Variants in LMO3 observed in about 807,000 individuals in gnomAD.
LMO3 encodes LIM domain only protein 3.
LMO3 carries 2 observed loss-of-function variants against 15.8 expected under a neutral mutation model. That is an observed-to-expected ratio of 0.13 (90% confidence interval 0.05 to 0.40). The LOEUF is 0.40. Among genes scored for constraint, LMO3 ranks in the 10% least tolerant of loss-of-function variants. The pLI, the probability that LMO3 is intolerant of heterozygous loss-of-function variation, is 0.99. For synonymous variants in LMO3, 62 were observed against 63.8 expected (o/e 0.97, Z 0.13); for missense variants, 86 against 182.2 (o/e 0.47, Z 3.04).
At chr12:16,568,830 C>T (rs1035530425) in intron 2 of LMO3, among the ~76,000 whole-genome samples, 6 of 152,124 alleles carry the variant, frequency 3.9e-5, no homozygotes, top group African/African-American at 1.4e-4. Flanking sequence ...GGATATATGA[C>T]AGTTATAACT....
At chr12:16,595,461 T>C (rs921887757) in intron 2 of LMO3, among the ~76,000 whole-genome samples, 2 of 151,392 alleles carry the variant, frequency 1.3e-5, no homozygotes, top group African/African-American at 2.4e-5. Context: ...TGAATTCACC[T>C]ACTATTTTCC....
intron 2 of LMO3, among the ~76,000 whole-genome samples, chr12:16,594,748 C>A (rs905248701): frequency 1.3e-5 from 2 of 151,568 alleles, no homozygotes; most frequent in Non-Finnish European, 3.0e-5. Context: ...CTACATAATA[C>A]ATTTCTACAA....
intron 2 of LMO3, among the ~76,000 whole-genome samples, chr12:16,577,996 C>T (rs954165635): frequency 1.1e-4 from 17 of 152,192 alleles, no homozygotes; most frequent in African/African-American, 4.1e-4. Context: ...AACACTACAA[C>T]TAATTCCACC....
At chr12:16,563,943 A>G (rs148835695) in intron 2 of LMO3, among the ~76,000 whole-genome samples, 3 of 152,258 alleles carry the variant, frequency 2.0e-5, no homozygotes, top group Non-Finnish European at 4.4e-5. Flanking sequence ...ATTTTTCCCT[A>G]TCATTTATGT....
At chr12:16,554,740 T>C (rs1386605326) in intron 3 of LMO3, among the ~76,000 whole-genome samples, 3 of 152,216 alleles carry the variant, frequency 2.0e-5, no homozygotes, top group Non-Finnish European at 4.4e-5. Context: ...CCAGATTCGC[T>C]CCGCCTCCCG....
At chr12:16,567,227 A>G (rs1942649887) in intron 2 of LMO3, among the ~76,000 whole-genome samples, 1 of 151,892 alleles carries the variant, frequency 6.6e-6, no homozygotes, top group Admixed American at 6.6e-5. Context: ...CAAACAAACA[A>G]AAAACTACAA....
intron 2 of LMO3, among the ~76,000 whole-genome samples, chr12:16,566,869 G>T (rs372911125): frequency 1.3e-5 from 2 of 152,170 alleles, no homozygotes; most frequent in East Asian, 1.9e-4. Flanking sequence ...AAGAGAAGAA[G>T]AATTAAGTTA....
At chr12:16,578,292 C>G (rs757632414) in intron 2 of LMO3, among the ~76,000 whole-genome samples, 3 of 152,098 alleles carry the variant, frequency 2.0e-5, no homozygotes, top group Non-Finnish European at 2.9e-5. Flanking sequence ...ATAAACTACT[C>G]AAGTTTGAGA....
chr12:16,606,217 T>A (rs189767979), upstream of LMO3: 1 of 187,898 alleles, frequency 5.3e-6, no homozygotes, highest in African/African-American at 2.4e-5. Flanking sequence ...AAGTTTAAAA[T>A]AATGAGGTCC....
At chr12:16,578,283 T>C (rs1277269837) in intron 2 of LMO3, among the ~76,000 whole-genome samples, 1 of 152,200 alleles carries the variant, frequency 6.6e-6, no homozygotes, top group Non-Finnish European at 1.5e-5. Flanking sequence ...AAAGCTTGTA[T>C]AAACTACTCA....
intron 2 of LMO3, among the ~76,000 whole-genome samples, chr12:16,592,404 G>T (rs1047143674): frequency 6.6e-6 from 1 of 151,944 alleles, no homozygotes; most frequent in African/African-American, 2.4e-5. Flanking sequence ...TAATTTCTTT[G>T]TATCTCCCAA....
At position 16,582,135 on chromosome 12, in the gene LMO3, T is replaced by A. The variant is rs1159003945; in HGVS notation, c.206+18520A>T. On this transcript the variant is annotated intron_variant, in intron 2 of 3. Coordinates refer to ENST00000537304, the MANE Select transcript of LMO3 (RefSeq NM_018640.5). This position sits in a 1 kb window ranked among gnomAD's most constrained non-coding sequence, Gnocchi z 4.1. ...AATTTGCAGTTAGGTTTCAGTAAAT[T>A]TTCTTAATCATATTTAACTGGTTTC... Among the ~76,000 whole-genome samples, 1 of 151,910 alleles carries A rather than the reference T, an allele frequency of 6.6e-6. No homozygotes were observed. Among genetic ancestry groups the A allele is most frequent in the Non-Finnish European group, 1.5e-5 (1 of 68,022 alleles).
intron 2 of LMO3, among the ~76,000 whole-genome samples, chr12:16,590,131 A>AT: frequency 6.6e-6 from 1 of 152,254 alleles, no homozygotes; most frequent in Non-Finnish European, 1.5e-5. Context: ...AAACTTAAAC[A>AT]TTTTTAAAAG....
chr12:16,549,310 C>G lies in LMO3; in HGVS notation c.*1912G>C, dbSNP rs1941902689. On this transcript the variant is annotated 3_prime_UTR_variant, in exon 4 of 4. Coordinates refer to ENST00000537304, the MANE Select transcript of LMO3 (RefSeq NM_018640.5). ...GCCCCAAATAGCTACTTTTGAATTT[C>G]TTTCTTTAGTATATCTCAAATCTGG... 6.6e-6 allele frequency: 1 copy of G among 152,074 alleles called. No homozygotes were observed. The highest frequency in any genetic ancestry group is 1.5e-5 in the Non-Finnish European group (1 of 67,974). 9.4% of individuals were successfully genotyped at this position (152,074 alleles called of 1,614,324 possible).
intron 2 of LMO3, among the ~76,000 whole-genome samples, chr12:16,581,428 A>T (rs983501411): frequency 1.3e-5 from 2 of 152,212 alleles, no homozygotes; most frequent in African/African-American, 4.8e-5. Context: ...CACTTAGCAC[A>T]TATATAACTC....
In LMO3 at chr12:16,559,531, C is replaced by T. The variant is rs1474727662; in HGVS notation, c.332+882G>A. On this transcript the variant is annotated intron_variant, in intron 3 of 3. Transcript: ENST00000537304. The surrounding 1 kb of genome is among the most constrained non-coding windows in gnomAD (Gnocchi z 4.1). ...TTAGGTTTCCAGGTTCCCTGTTCAA[C>T]ACTTTTTCAAATGCTCCTCTCCAAT... 1.3e-5 allele frequency among the ~76,000 whole-genome samples: 2 copies of T among 152,174 alleles called. No homozygotes were observed. The highest frequency in any genetic ancestry group is 4.8e-5 in the African/African-American group (2 of 41,440).
At chr12:16,583,264 TG>T (rs1353286569) in intron 2 of LMO3, among the ~76,000 whole-genome samples, 1 of 151,508 alleles carries the variant, frequency 6.6e-6, no homozygotes, top group African/African-American at 2.4e-5. Context: ...GGGTAAGGAG[TG>T]CAAAGGAGGT....
intron 2 of LMO3, among the ~76,000 whole-genome samples, chr12:16,577,319 A>G (rs941429823): frequency 1.1e-4 from 17 of 152,182 alleles, no homozygotes; most frequent in Non-Finnish European, 4.4e-5. Context: ...TTCAGCTTCT[A>G]GGACCATCTC....
intron 2 of LMO3, among the ~76,000 whole-genome samples, chr12:16,566,887 T>C (rs973876117): frequency 2.0e-5 from 3 of 152,232 alleles, no homozygotes; most frequent in Non-Finnish European, 4.4e-5. Context: ...TTAAACTTAC[T>C]AAGTGCCTAA....
Sources: gnomAD v4.1 joint callset for allele counts (sites outside exome capture counted in the v4.1 genomes callset) on GRCh38, gnomAD v4.1.1 for gene constraint, Gnocchi (gnomAD v3.1) non-coding constraint, MANE v1.5 for transcripts, NCBI Gene and HGNC (gene_info 2026-07-23, HGNC 2026-07-21) for gene names.